The following CYTH1 variants were observed in gnomAD, a reference collection of about 807,000 sequenced individuals.
The protein encoded by CYTH1 is cytohesin 1, also known as cytohesin-1.
In CYTH1, 18 loss-of-function variants were observed where a neutral mutation model predicts 61.8. The observed-to-expected ratio is 0.29, with a 90% confidence interval of 0.20 to 0.43. CYTH1 has a LOEUF of 0.43. Among genes scored for constraint, CYTH1 ranks in the 20% least tolerant of loss-of-function variants. The pLI is 1.00. For missense variants in CYTH1, 336 were observed against 510.5 expected, an observed-to-expected ratio of 0.66 and a Z score of 3.29; for synonymous variants, 174 against 184.3, an observed-to-expected ratio of 0.94 and a Z score of 0.45.
At chr17:78,735,291 G>C (rs897234291) in intron 1 of CYTH1, among the ~76,000 whole-genome samples, 1 of 152,164 alleles carries the variant, frequency 6.6e-6, no homozygotes, top group African/African-American at 2.4e-5. Flanking sequence ...CAGCACCTCC[G>C]GTGGGTCTGA....
chr17:78,723,813 G>A (rs1232300548), intron 1 of CYTH1: 1 of 152,320 alleles, frequency 6.6e-6, no homozygotes, highest in Non-Finnish European at 1.5e-5. Context: ...TCTAGGGGGT[G>A]GATGTTCTGT....
In CYTH1 at chr17:78,750,065, G is replaced by T. The variant is rs529602606; in HGVS notation, c.22+32137C>A. On this transcript the variant is annotated intron_variant, in intron 1 of 13. Coordinates refer to ENST00000446868, the MANE Select transcript of CYTH1 (RefSeq NM_004762.6). ...GCTTCTCCACGTGCCCAGAAGGAAG[G>T]GAACATGAGATATGGGTGCACAGAG... 1.1e-4 allele frequency among the ~76,000 whole-genome samples: 16 copies of T among 152,270 alleles called. No individual in the cohort carries two copies. In the South Asian group the frequency reaches 2.9e-3, roughly 28 times the overall value.
At chr17:78,769,716 T>C (rs2093462904) in intron 1 of CYTH1, among the ~76,000 whole-genome samples, 1 of 152,160 alleles carries the variant, frequency 6.6e-6, no homozygotes, top group Non-Finnish European at 1.5e-5. Context: ...TACAAACTAC[T>C]CATAGAAACC....
chr17:78,736,730 T>C, intron 1 of CYTH1: 1 of 423,058 alleles, frequency 2.4e-6, no homozygotes, highest in Non-Finnish European at 5.0e-6. Context: ...CTTGTTTCCT[T>C]ACAGCGGGAC....
intron 11 of CYTH1, among the ~76,000 whole-genome samples, chr17:78,681,659 A>G (rs2092763895): frequency 6.6e-6 from 1 of 152,068 alleles, no homozygotes; most frequent in Non-Finnish European, 1.5e-5. Flanking sequence ...CTTCCAGCAC[A>G]CGCCTGACGG....
chr17:78,694,813 TA>T (rs2092922652), intron 10 of CYTH1, among the ~76,000 whole-genome samples: 1 of 152,164 alleles, frequency 6.6e-6, no homozygotes, highest in African/African-American at 2.4e-5. Flanking sequence ...AAAGCTTGGT[TA>T]TTATGCCTGG....
At chr17:78,741,291 T>G (rs1294964840) in intron 1 of CYTH1, among the ~76,000 whole-genome samples, 1 of 152,104 alleles carries the variant, frequency 6.6e-6, no homozygotes, top group East Asian at 1.9e-4. Context: ...TCCCAGCACT[T>G]TGGGAGGCCA....
chr17:78,745,872 C>T (rs576522832), intron 1 of CYTH1, among the ~76,000 whole-genome samples: 117 of 152,084 alleles, frequency 7.7e-4, no homozygotes, highest in Non-Finnish European at 1.4e-3. Context: ...AGCCTGCCAA[C>T]AGAGCGAGAC....
intron 1 of CYTH1, among the ~76,000 whole-genome samples, chr17:78,752,638 C>T (rs2093384911): frequency 2.0e-5 from 3 of 152,098 alleles, no homozygotes; most frequent in Admixed American, 6.6e-5. Flanking sequence ...TCATTATTGG[C>T]CAGGCTGGCC....
At chr17:78,692,547 G>A (rs2092899019) in intron 10 of CYTH1, 54 bp from the exon 11 acceptor site, 9 of 1,549,276 alleles carry the variant, frequency 5.8e-6, no homozygotes, top group South Asian at 3.3e-5. Flanking sequence ...ACAAGTGCAG[G>A]CTCCACGACA....
chr17:78,684,029 C>A (rs958884587), intron 11 of CYTH1, among the ~76,000 whole-genome samples: 1 of 152,250 alleles, frequency 6.6e-6, no homozygotes, highest in Admixed American at 6.5e-5. Flanking sequence ...GATGCACATT[C>A]TTGATGGAAT....
At chr17:78,708,097 G>T in intron 3 of CYTH1, 100 bp downstream of exon 3, 1 of 1,195,530 alleles carries the variant, frequency 8.4e-7, no homozygotes, top group Non-Finnish European at 1.2e-6. Flanking sequence ...AAGACACAAA[G>T]CTGACTTTTT....
At chr17:78,676,962 C>A (rs1237577531) in intron 13 of CYTH1, 2 of 454,968 alleles carry the variant, frequency 4.4e-6, no homozygotes, top group South Asian at 3.1e-5. Context: ...AGAGCTCGGG[C>A]ACAAGCCTCC....
intron 7 of CYTH1, 65 bp from the exon 8 acceptor site, chr17:78,699,033 G>T (rs1598845371): frequency 1.3e-6 from 2 of 1,548,618 alleles, no homozygotes; most frequent in East Asian, 2.3e-5. Flanking sequence ...CATCCCACCC[G>T]CAAGAGCAAG....
chr17:78,769,002 C>A (rs2093459887), intron 1 of CYTH1, among the ~76,000 whole-genome samples: 2 of 152,098 alleles, frequency 1.3e-5, no homozygotes, highest in Non-Finnish European at 2.9e-5. Context: ...AAAAACTAGC[C>A]AGGTGTGGTG....
intron 1 of CYTH1, among the ~76,000 whole-genome samples, chr17:78,774,141 T>C (rs780593264): frequency 5.9e-5 from 9 of 152,172 alleles, no homozygotes; most frequent in Non-Finnish European, 1.3e-4. Flanking sequence ...GATACATTGC[T>C]AAGAAAAGAG....
intron 1 of CYTH1, among the ~76,000 whole-genome samples, chr17:78,773,628 CAAA>C (rs772324364): frequency 9.3e-6 from 1 of 106,998 alleles, no homozygotes. Flanking sequence ...GACTCCATCT[CAAA>C]AAAAAAAAAA....
rs150049542 is a variant in CYTH1, at chr17:78,730,248, G to A, written c.23-20516C>T. Among the ~76,000 whole-genome samples the A allele has an allele frequency of 5.7e-3, 873 of 151,942 alleles. 37 individuals are homozygous for A. The East Asian group carries it at 0.11, about 19-fold the overall frequency. ...GGCGTCAATAGTCACTGACTAGGCC[G>A]GGCGCGGTGTCTCACGCCTTTAATC... On this transcript the variant is annotated intron_variant, in intron 1 of 13. Transcript: ENST00000446868.
intron 11 of CYTH1, among the ~76,000 whole-genome samples, chr17:78,683,768 A>C (rs1347456823): frequency 1.3e-5 from 2 of 152,214 alleles, no homozygotes; most frequent in Non-Finnish European, 2.9e-5. Context: ...AGGTGAGGGC[A>C]ACAGCTGGTC....
Sources: allele counts gnomAD v4.1 joint callset (sites outside exome capture counted in the v4.1 genomes callset), GRCh38; gene constraint gnomAD v4.1.1; transcripts MANE v1.5; gene names NCBI Gene and HGNC (gene_info 2026-07-23, HGNC 2026-07-21).